Variants in ZNF548 observed in about 807,000 individuals in gnomAD.
ZNF548 encodes zinc finger protein 548.
ZNF548 carries 10 observed loss-of-function variants against 10.2 expected under a neutral mutation model. The ratio of observed to expected loss-of-function variants is 0.98; its 90% CI spans 0.60 to 1.66. ZNF548 has a LOEUF of 1.66. Among genes scored for constraint, ZNF548 ranks in the 40% most tolerant of loss-of-function variants. The pLI, the probability that ZNF548 is intolerant of heterozygous loss-of-function variation, is 0.00. For synonymous variants in ZNF548, 217 were observed against 223.5 expected, an observed-to-expected ratio of 0.97 and a Z score of 0.26; for missense variants, 599 against 657.0, an observed-to-expected ratio of 0.91 and a Z score of 0.97.
At chr19:57,393,397 A>C (rs1001785626) in intron 1 of ZNF548, among the ~76,000 whole-genome samples, 1 of 151,972 alleles carries the variant, frequency 6.6e-6, no homozygotes, top group African/African-American at 2.4e-5. Context: ...GTGGTGGCTC[A>C]CACCTGTAAT....
chr19:57,399,688 C>T lies in ZNF548; in HGVS notation c.1437C>T (p.His479=), dbSNP rs778966886. The change falls in exon 4 of 4, where the codon CAC becomes CAT. Residue 479 remains histidine, a synonymous_variant. Coordinates refer to ENST00000336128, the MANE Select transcript of ZNF548 (RefSeq NM_001172773.2). The surrounding 1 kb of genome is among the most constrained non-coding windows in gnomAD (Gnocchi z 4.0). ...AFSHKHILVE[H]QKIHSGERPY... Reference sequence around the variant, plus strand: ...GCCACAAGCATATACTTGTTGAGCACCAGAAAATCCACAGTGGAGAAAGAC... The same window carrying T: ...GCCACAAGCATATACTTGTTGAGCATCAGAAAATCCACAGTGGAGAAAGAC... The T allele has an allele frequency of 1.2e-6, 2 of 1,613,924 alleles. No homozygotes were observed.
chr19:57,394,579 G>C (rs958578990), intron 2 of ZNF548, among the ~76,000 whole-genome samples: 2 of 152,198 alleles, frequency 1.3e-5, no homozygotes, highest in African/African-American at 4.8e-5. Flanking sequence ...TGGAATGACA[G>C]CCTAGGTCCT....
In ZNF548 at chr19:57,397,095, GT is replaced by G. The variant is rs1215053873; in HGVS notation, c.100del (p.Trp34GlyfsTer15). 10 of 1,613,756 alleles carry G rather than the reference GT, an allele frequency of 6.2e-6. No homozygotes were observed. The highest frequency in any genetic ancestry group is 8.5e-6 in the Non-Finnish European group (10 of 1,179,792). ...TGGCCATATATTTCTCCCAGGAGGA[GT>G]GGGGGCACCTTGATGAGGCTCAGAG... Reference protein sequence around the residue: ...DVAIYFSQEEWGHLDEAQRLL... With the variant: ...DVAIYFSQEEXGHLDEAQRLL... On this transcript the variant is annotated frameshift_variant, in exon 3 of 4. Transcript: ENST00000336128. LOFTEE classifies it high-confidence loss of function.
At chr19:57,392,376 GA>G in intron 1 of ZNF548, among the ~76,000 whole-genome samples, 1 of 152,310 alleles carries the variant, frequency 6.6e-6, no homozygotes, top group South Asian at 2.1e-4. Context: ...CCAATGTCCA[GA>G]AGGGGTTTCC....
In ZNF548 at chr19:57,399,914, A is replaced by G. The variant is rs774921626; in HGVS notation, c.*25A>G. ...ACTATTGTAATTGGGTAGTAATGTT[A>G]TATAAATTCCACATTTTTATGCAAC... On this transcript the variant is annotated 3_prime_UTR_variant, in exon 4 of 4. Coordinates refer to ENST00000336128, the MANE Select transcript of ZNF548 (RefSeq NM_001172773.2). This position sits in a 1 kb window ranked among gnomAD's most constrained non-coding sequence, Gnocchi z 4.0. 1 of 1,501,368 alleles carries G rather than the reference A, an allele frequency of 6.7e-7. No homozygotes were observed. Among genetic ancestry groups the G allele is most frequent in the East Asian group, 2.4e-5 (1 of 41,580 alleles). The allele number at this position is 1,501,368 out of a possible 1,614,324, so 93.0% of individuals were successfully genotyped here.
In ZNF548 at chr19:57,398,853, C is replaced by G. The variant is rs200185139; in HGVS notation, c.602C>G (p.Ala201Gly). ...TACAGGGACACAGAGGACAGAGAAG[C>G]CTTTCAGACTGGACAAAATGATTAC... Reference protein sequence around the residue: ...KPYRDTEDREAFQTGQNDYKC... With the variant: ...KPYRDTEDREGFQTGQNDYKC... Residue 201 changes from alanine (A) to glycine (G), a missense_variant, in exon 4 of 4, where the codon GCC (alanine) becomes GGC (glycine). Transcript: ENST00000336128. 14 of 1,613,808 alleles carry G rather than the reference C, an allele frequency of 8.7e-6. No individual in the cohort carries two copies. The highest frequency in any genetic ancestry group is 1.2e-5 in the Non-Finnish European group (14 of 1,179,886).
At position 57,398,871 on chromosome 19, in the gene ZNF548, A is replaced by G. The variant is rs1159637469; in HGVS notation, c.620A>G (p.Asn207Ser). ...EDREAFQTGQ[N>S]DYKCSECGKT... ...AGAGAAGCCTTTCAGACTGGACAAAATGATTACAAATGTAGTGAATGTGGG... is the reference window on the plus strand; with the variant it reads ...AGAGAAGCCTTTCAGACTGGACAAAGTGATTACAAATGTAGTGAATGTGGG... The change falls in exon 4 of 4, where the codon AAT becomes AGT. Residue 207 changes from asparagine (N) to serine (S), a missense_variant. Asn to Ser is a conservative substitution (Grantham distance 46, BLOSUM62 1). Transcript: ENST00000336128. 1.9e-6 allele frequency: 3 copies of G among 1,613,936 alleles called. No homozygotes were observed. Among genetic ancestry groups the G allele is most frequent in the Admixed American group, 1.7e-5 (1 of 60,006 alleles).
At chr19:57,392,979 G>T (rs765296075) in intron 1 of ZNF548, 4 of 985,612 alleles carry the variant, frequency 4.1e-6, no homozygotes, top group Non-Finnish European at 4.8e-6. Context: ...GGAGGCTGAA[G>T]TGTGAGGTGG....
In ZNF548 at chr19:57,398,769, A is replaced by T; in HGVS notation, c.518A>T (p.Asp173Val). ...EIFTCMEGWK[D>V]LPATSCLLQH... ...TTCACATGCATGGAGGGCTGGAAGG[A>T]CTTACCAGCCACCTCATGCCTTCTC... Residue 173 changes from aspartate to valine, a missense_variant, in exon 4 of 4, where the codon GAC becomes GTC. Transcript: ENST00000336128. 6.2e-7 allele frequency: 1 copy of T among 1,614,034 alleles called. No individual in the cohort carries two copies. Among genetic ancestry groups the T allele is most frequent in the Non-Finnish European group, 8.5e-7 (1 of 1,179,908 alleles).
rs2123038001 is a variant in ZNF548, at chr19:57,392,626, T to C, written c.16-1562T>C. On this transcript the variant is annotated intron_variant, in intron 1 of 3. Transcript: ENST00000336128. The stretch of plus-strand genomic sequence containing the variant: ...GTGGCTTTATTTCTAGGAACTTTGT[T>C]CTGTTCCATTGATCTATGTGTCTAT... 1.3e-5 allele frequency among the ~76,000 whole-genome samples: 2 copies of C among 152,354 alleles called. 1 individual carries two copies. The highest frequency in any genetic ancestry group is 4.1e-4 in the South Asian group (2 of 4,830).
rs770126638 is a variant in ZNF548 at position 57,399,809 on chromosome 19, A to G, written c.1558A>G (p.Met520Val). The change falls in exon 4 of 4, where the codon ATG (methionine) becomes GTG (valine). Residue 520 changes from methionine (M) to valine (V), a missense_variant. Physicochemically the swap from Met to Val is conservative, Grantham distance 21 (BLOSUM62 1). Transcript: ENST00000336128. The surrounding 1 kb of genome is among the most constrained non-coding windows in gnomAD (Gnocchi z 4.0). ...IHSEERLVCS[M>V]NVGNSLAKTP... Reference sequence around the variant, plus strand: ...CAGTGAAGAGAGGCTTGTGTGCTCCATGAATGTGGGGAATTCTTTAGCTAA... The same window carrying G: ...CAGTGAAGAGAGGCTTGTGTGCTCCGTGAATGTGGGGAATTCTTTAGCTAA... The G allele has an allele frequency of 1.2e-6, 2 of 1,613,846 alleles. No homozygotes were observed. Among genetic ancestry groups the G allele is most frequent in the East Asian group, 2.2e-5 (1 of 44,890 alleles).
Position 57,398,543 on chromosome 19 carries a change from A to G in ZNF548, c.292A>G (p.Ser98Gly), listed in dbSNP as rs200761956. 554 of 1,613,946 alleles carry G rather than the reference A, an allele frequency of 3.4e-4. 4 individuals carry two copies. Among genetic ancestry groups the G allele is most frequent in the Non-Finnish European group, 5.4e-5 (64 of 1,179,906 alleles). ...PCLSSQKVHP[S>G]ETCGPPLKDI... is the part of the protein sequence containing the mutation. ...TCTGTCCAGCCAGAAGGTCCACCCT[A>G]GTGAGACATGTGGCCCACCCTTGAA... The change falls in exon 4 of 4, where the codon AGT becomes GGT. Residue 98 changes from serine to glycine, a missense_variant. Coordinates refer to ENST00000336128, the MANE Select transcript of ZNF548 (RefSeq NM_001172773.2).
intron 1 of ZNF548, 141 bp from the exon 2 acceptor site, chr19:57,394,047 G>A (rs777009428): frequency 3.5e-6 from 3 of 854,970 alleles, no homozygotes; most frequent in Non-Finnish European, 5.6e-6. Flanking sequence ...TCACAGAGCT[G>A]CAGCACTGAG....
At chr19:57,396,531 C>A (rs1770073180) in intron 2 of ZNF548, among the ~76,000 whole-genome samples, 2 of 152,198 alleles carry the variant, frequency 1.3e-5, no homozygotes, top group Non-Finnish European at 1.5e-5. Flanking sequence ...ATGTAGCAGT[C>A]ATTTTACCTA....
At chr19:57,391,902 A>G (rs1156573535) in intron 1 of ZNF548, among the ~76,000 whole-genome samples, 1 of 151,004 alleles carries the variant, frequency 6.6e-6, no homozygotes, top group Admixed American at 6.6e-5. Context: ...AGTTCAAGCA[A>G]TTCTGCTGCC....
rs1180397044 is a variant in ZNF548, at chr19:57,400,073, C to T, written c.*184C>T. 1.8e-6 allele frequency: 1 copy of T among 543,398 alleles called. No homozygotes were observed. The highest frequency in any genetic ancestry group is 1.9e-5 in the African/African-American group (1 of 53,296). 33.7% of individuals were successfully genotyped at this position (543,398 alleles called of 1,614,324 possible). ...TACTCTATGGTACTTATATGAGGTA[C>T]CAATAGATATCTATGAATTTGATAT... On this transcript the variant is annotated 3_prime_UTR_variant, in exon 4 of 4. Coordinates refer to ENST00000336128, the MANE Select transcript of ZNF548 (RefSeq NM_001172773.2).
At chr19:57,391,917 C>G (rs1351378664) in intron 1 of ZNF548, among the ~76,000 whole-genome samples, 2 of 151,478 alleles carry the variant, frequency 1.3e-5, no homozygotes, top group African/African-American at 4.8e-5. Flanking sequence ...GCTGCCTCAG[C>G]CTCCCAAGTA....
At chr19:57,394,745 C>G (rs1369469068) in intron 2 of ZNF548, among the ~76,000 whole-genome samples, 1 of 152,142 alleles carries the variant, frequency 6.6e-6, no homozygotes, top group East Asian at 1.9e-4. Flanking sequence ...GATGTTCCTG[C>G]AGCAGTCTAG....
At chr19:57,397,222 C>T in intron 3 of ZNF548, 48 bp downstream of exon 3, 1 of 1,503,780 alleles carries the variant, frequency 6.6e-7, no homozygotes, top group Non-Finnish European at 8.9e-7. Context: ...CTGTGTTACC[C>T]CTTTTTACCC....
Sources: allele counts gnomAD v4.1 joint callset (sites outside exome capture counted in the v4.1 genomes callset), GRCh38; gene constraint gnomAD v4.1.1; non-coding constraint Gnocchi (gnomAD v3.1); transcripts MANE v1.5; gene names NCBI Gene and HGNC (gene_info 2026-07-23, HGNC 2026-07-21).